Variants in SERPINB7 observed in about 807,000 individuals in gnomAD.
SERPINB7 encodes serpin family B member 7.
SERPINB7 carries 31 observed loss-of-function variants against 37.4 expected under a neutral mutation model. The ratio of observed to expected loss-of-function variants is 0.83; its 90% CI spans 0.62 to 1.12. The LOEUF is 1.12. Among genes scored for constraint, SERPINB7 ranks in the 50% most tolerant of loss-of-function variants. The probability of loss-of-function intolerance (pLI) is 0.00; values close to 1 mark genes in which losing one functional copy is unlikely to be tolerated. For missense variants in SERPINB7, 521 were observed against 455.3 expected (o/e 1.14, Z -1.31); for synonymous variants, 163 against 166.1 (o/e 0.98, Z 0.14).
At chr18:63,759,038 T>C (rs1379954190) in intron 1 of SERPINB7, among the ~76,000 whole-genome samples, 1 of 152,222 alleles carries the variant, frequency 6.6e-6, no homozygotes, top group Non-Finnish European at 1.5e-5. Flanking sequence ...TCCTAATACG[T>C]TTCTACTTGA....
chr18:63,776,930 T>C (rs988618008), intron 1 of SERPINB7, among the ~76,000 whole-genome samples: 1 of 152,070 alleles, frequency 6.6e-6, no homozygotes, highest in Non-Finnish European at 1.5e-5. Context: ...CAATATATTC[T>C]AACGCATCTC....
intron 1 of SERPINB7, among the ~76,000 whole-genome samples, chr18:63,781,466 T>C (rs1275368196): frequency 2.6e-5 from 4 of 152,220 alleles, no homozygotes; most frequent in Admixed American, 2.6e-4. Context: ...AGATGTAATA[T>C]CATTGGACAT....
intron 1 of SERPINB7, among the ~76,000 whole-genome samples, chr18:63,760,361 G>A (rs1264243072): frequency 2.0e-5 from 3 of 152,214 alleles, no homozygotes; most frequent in Admixed American, 2.0e-4. Flanking sequence ...TTCGAGAGGT[G>A]ACTTGGGTAT....
At chr18:63,783,228 GAGAGAGAAAGAAAGAAAGAAAGAAAGAA>G (rs2049327337) in intron 2 of SERPINB7, among the ~76,000 whole-genome samples, 12 of 47,382 alleles carry the variant, frequency 2.5e-4, no homozygotes, top group Non-Finnish European at 4.4e-4. Context: ...GAGAGAGAGA[GAGAGAGAAAGAAAGAAAGAAAGAAAGAA>G]AGAAAGAAAG....
At chr18:63,795,576 T>TAAAAAAAAA (rs5825537) in intron 4 of SERPINB7, among the ~76,000 whole-genome samples, 1 of 115,778 alleles carries the variant, frequency 8.6e-6, no homozygotes, top group African/African-American at 3.2e-5. Context: ...AAAAAAGAAT[T>TAAAAAAAAA]AAAAAAAAAA....
At chr18:63,778,084 T>C (rs2049268023) in intron 1 of SERPINB7, 1 of 152,150 alleles carries the variant, frequency 6.6e-6, no homozygotes, top group Non-Finnish European at 1.5e-5. Context: ...GAGAATGGCA[T>C]GGGAATCGGA....
At chr18:63,804,158 A>C in intron 7 of SERPINB7, 79 bp from the exon 8 acceptor site, 1 of 1,062,252 alleles carries the variant, frequency 9.4e-7, no homozygotes, top group Non-Finnish European at 1.3e-6. Flanking sequence ...AATTATAGAA[A>C]ACTATGTATC....
intron 6 of SERPINB7, 48 bp from the exon 7 acceptor site, chr18:63,800,818 G>A (rs1431926177): frequency 1.3e-6 from 2 of 1,599,848 alleles, no homozygotes; most frequent in East Asian, 2.2e-5. Context: ...GGTTAATAAA[G>A]TAAAATGAGG....
intron 2 of SERPINB7, among the ~76,000 whole-genome samples, chr18:63,790,079 G>A (rs1647383529): frequency 6.6e-6 from 1 of 152,078 alleles, no homozygotes; most frequent in Non-Finnish European, 1.5e-5. Flanking sequence ...AAATAATTAG[G>A]TGATAAAAAC....
intron 7 of SERPINB7, among the ~76,000 whole-genome samples, chr18:63,803,318 C>G (rs1449673329): frequency 6.6e-6 from 1 of 151,810 alleles, no homozygotes; most frequent in Non-Finnish European, 1.5e-5. Flanking sequence ...ACAAAAAATT[C>G]AAATTAGACT....
At chr18:63,798,799 T>C (rs758166730) in intron 6 of SERPINB7, 53 bp downstream of exon 6, 44 of 1,563,906 alleles carry the variant, frequency 2.8e-5, no homozygotes, top group Non-Finnish European at 3.8e-5. Context: ...TCGTATTCCT[T>C]TGCAGGACTG....
chr18:63,770,270 TG>T (rs1441819032), intron 1 of SERPINB7, among the ~76,000 whole-genome samples: 1 of 151,316 alleles, frequency 6.6e-6, no homozygotes, highest in Admixed American at 6.6e-5. Context: ...AGGGTGTGGT[TG>T]GCAATAGCAC....
intron 1 of SERPINB7, among the ~76,000 whole-genome samples, chr18:63,763,939 A>G (rs1463976084): frequency 6.6e-6 from 1 of 152,224 alleles, no homozygotes; most frequent in Non-Finnish European, 1.5e-5. Flanking sequence ...GAACCCAGAA[A>G]AGAACAAGTT....
intron 2 of SERPINB7, among the ~76,000 whole-genome samples, chr18:63,790,662 G>T (rs1307628075): frequency 6.6e-6 from 1 of 152,020 alleles, no homozygotes. Context: ...TTGTATTCTC[G>T]ATAAGCTGAA....
chr18:63,780,175 C>T (rs2049288254), intron 1 of SERPINB7, among the ~76,000 whole-genome samples: 1 of 152,036 alleles, frequency 6.6e-6, no homozygotes, highest in Admixed American at 6.6e-5. Flanking sequence ...GTTACTTTCC[C>T]AAGAACAATT....
chr18:63,787,872 C>T (rs115704397), intron 2 of SERPINB7, among the ~76,000 whole-genome samples: 391 of 152,174 alleles, frequency 2.6e-3, no homozygotes, highest in African/African-American at 8.3e-3. Context: ...AGGGCAGTAC[C>T]GTCAAATTAT....
At chr18:63,755,463 A>C (rs1170318452) in intron 1 of SERPINB7, among the ~76,000 whole-genome samples, 1 of 152,152 alleles carries the variant, frequency 6.6e-6, no homozygotes, top group Non-Finnish European at 1.5e-5. Context: ...CTTTTTTCAT[A>C]ACTAGTTTGT....
Position 63,804,708 on chromosome 18 carries a change from T to A in SERPINB7, c.*73T>A. 2 of 1,429,718 alleles carry A rather than the reference T, an allele frequency of 1.4e-6. No homozygotes were observed. The highest frequency in any genetic ancestry group is 9.4e-7 in the Non-Finnish European group (1 of 1,061,236). 88.6% of individuals were successfully genotyped at this position (1,429,718 alleles called of 1,614,324 possible). On this transcript the variant is annotated 3_prime_UTR_variant, in exon 8 of 8. Transcript: ENST00000398019. ...CACCACAAGTCAATAGATTTGAGTT[T>A]AATTGGAAAAATGTGGTGTTTCCTT...
chr18:63,776,640 G>C (rs746766901), intron 1 of SERPINB7, among the ~76,000 whole-genome samples: 11 of 149,468 alleles, frequency 7.4e-5, no homozygotes, highest in Non-Finnish European at 1.5e-4. Context: ...GGGTATACTA[G>C]ATAAACCAAG....
Sources: allele counts gnomAD v4.1 joint callset (sites outside exome capture counted in the v4.1 genomes callset), GRCh38; gene constraint gnomAD v4.1.1; transcripts MANE v1.5; gene names NCBI Gene and HGNC (gene_info 2026-07-23, HGNC 2026-07-21).